CDC5L: variants seen among roughly 807,000 people sequenced by gnomAD.
The protein encoded by CDC5L is cell division cycle 5 like, also known as cell division cycle 5-like protein.
Under a neutral mutation model 104.1 loss-of-function variants are expected in CDC5L, and 18 were observed. The ratio of observed to expected loss-of-function variants is 0.17; its 90% CI spans 0.12 to 0.26. The LOEUF (loss-of-function observed/expected upper bound fraction) is 0.26, where lower values mean the gene tolerates loss of function less well. CDC5L is among the 10% of genes least tolerant of loss of function. The pLI is 1.00. For synonymous variants in CDC5L, 331 were observed against 322.7 expected (o/e 1.03, Z -0.28); for missense variants, 673 against 956.9 (o/e 0.70, Z 3.91).
intron 8 of CDC5L, among the ~76,000 whole-genome samples, chr6:44,409,024 C>T (rs1330154689): frequency 6.6e-6 from 1 of 152,194 alleles, no homozygotes; most frequent in Non-Finnish European, 1.5e-5. Context: ...CTCTCTAACA[C>T]GTGGGGTAGA....
chr6:44,429,343 G>C (rs1312198658), intron 13 of CDC5L, among the ~76,000 whole-genome samples: 1 of 151,990 alleles, frequency 6.6e-6, no homozygotes, highest in Non-Finnish European at 1.5e-5. Context: ...TTTTAAATGA[G>C]GTTAATATTG....
chr6:44,446,665 A>T lies in CDC5L; in HGVS notation c.2363A>T (p.Tyr788Phe). ...QEREKELQHR[Y>F]ADLLLEKETL... ...AGAGAAAAGGAACTTCAACATAGAT[A>T]TGCTGATTTGCTGCTGGAGAAAGAG... The change falls in exon 16 of 16, where the codon TAT becomes TTT. Residue 788 changes from tyrosine to phenylalanine, a missense_variant. Physicochemically the swap from Tyr to Phe is conservative, Grantham distance 22. This residue lies in a region of CDC5L where 578 missense variants were observed against 737.0 expected (regional missense o/e 0.78). Transcript: ENST00000371477. 6.3e-7 allele frequency: 1 copy of T among 1,598,520 alleles called. No individual in the cohort carries two copies. Among genetic ancestry groups the T allele is most frequent in the Non-Finnish European group, 8.5e-7 (1 of 1,172,618 alleles).
chr6:44,409,771 C>G (rs1791545060), intron 8 of CDC5L, among the ~76,000 whole-genome samples: 1 of 152,122 alleles, frequency 6.6e-6, no homozygotes, highest in Admixed American at 6.5e-5. Flanking sequence ...TTGTTTATAG[C>G]TTGTTCTTTT....
intron 5 of CDC5L, 84 bp downstream of exon 5, chr6:44,396,524 GTTTT>G (rs75189350): frequency 4.3e-5 from 25 of 583,554 alleles, no homozygotes; most frequent in Non-Finnish European, 4.9e-5. Context: ...CAGATATGTG[GTTTT>G]TTTTTTTTTT....
Position 44,426,590 on chromosome 6 carries a change from C to T in CDC5L, c.1759C>T (p.Leu587Phe). ...AATGATCACAATGCTTCATTATGAC[C>T]TTCTACATCACCCTTATGAACCATC... is the stretch of plus-strand genomic sequence containing the variant. ...KEMITMLHYD[L>F]LHHPYEPSGN... Residue 587 changes from leucine (L) to phenylalanine (F), a missense_variant, in exon 13 of 16, where the codon CTT (leucine) becomes TTT (phenylalanine). By Grantham distance (22) the Leu-to-Phe change is conservative (BLOSUM62 0). This residue lies in a region of CDC5L where 578 missense variants were observed against 737.0 expected (regional missense o/e 0.78). Transcript: ENST00000371477. 6.2e-7 allele frequency: 1 copy of T among 1,613,390 alleles called. No homozygotes were observed. The highest frequency in any genetic ancestry group is 8.5e-7 in the Non-Finnish European group (1 of 1,179,662).
intron 14 of CDC5L, among the ~76,000 whole-genome samples, chr6:44,439,822 A>G (rs377689472): frequency 4.8e-4 from 73 of 152,334 alleles, no homozygotes; most frequent in African/African-American, 1.5e-3. Context: ...ACTTGTAGCA[A>G]TGACTGCCAT....
At position 44,440,154 on chromosome 6, in the gene CDC5L, A is replaced by G. The variant is rs576944244; in HGVS notation, c.2092-5501A>G. Among the ~76,000 whole-genome samples, 81 of 152,306 alleles carry G rather than the reference A, an allele frequency of 5.3e-4. 3 individuals carry two copies. The highest frequency in any genetic ancestry group is 5.2e-3 in the Admixed American group (79 of 15,296). On this transcript the variant is annotated intron_variant, in intron 14 of 15. Transcript: ENST00000371477. ...GGTTTTAAAGGAGCTTCTTCATTTA[A>G]ATTAATTTTAGATCCATCTCATGTT... is the stretch of plus-strand genomic sequence containing the variant.
At chr6:44,391,569 G>A (rs1358044654) in intron 2 of CDC5L, among the ~76,000 whole-genome samples, 6 of 152,110 alleles carry the variant, frequency 3.9e-5, no homozygotes, top group Non-Finnish European at 8.8e-5. Flanking sequence ...TTAAATCATA[G>A]GGTAGTGGAC....
intron 5 of CDC5L, among the ~76,000 whole-genome samples, chr6:44,398,171 A>G (rs937218254): frequency 2.0e-5 from 3 of 152,206 alleles, no homozygotes; most frequent in Non-Finnish European, 4.4e-5. Context: ...TGGGGGTATT[A>G]GCTGCCGGGG....
At position 44,438,665 on chromosome 6, in the gene CDC5L, CTTTTTTTTTT is replaced by C. The variant is rs749816182; in HGVS notation, c.2092-6977_2092-6968del. On this transcript the variant is annotated intron_variant, in intron 14 of 15. Transcript: ENST00000371477. ...AAAATTTATGTGGTGGAAGTTTTGT[CTTTTTTTTTT>C]TTTTTTTTTTTTAAACTCTAACTCC... 5.0e-3 allele frequency among the ~76,000 whole-genome samples: 531 copies of C among 106,254 alleles called. 6 individuals carry two copies. Among genetic ancestry groups the C allele is most frequent in the African/African-American group, 0.017 (514 of 29,864 alleles). The allele number at this position is 106,254 out of a possible 152,430, so 69.7% of individuals were successfully genotyped here. A position where few individuals can be genotyped will look rare whatever the true frequency, so the allele number is the denominator to read the frequency against.
At chr6:44,438,881 A>C (rs957498355) in intron 14 of CDC5L, among the ~76,000 whole-genome samples, 1 of 152,054 alleles carries the variant, frequency 6.6e-6, no homozygotes, top group Non-Finnish European at 1.5e-5. Flanking sequence ...TATAAATTAC[A>C]TACCATAAAG....
intron 4 of CDC5L, among the ~76,000 whole-genome samples, chr6:44,393,902 G>T (rs544311793): frequency 6.6e-6 from 1 of 152,288 alleles, no homozygotes; most frequent in African/African-American, 2.4e-5. Context: ...CTGGGCTTAA[G>T]CTATCCTCCC....
chr6:44,434,003 G>C (rs566343859), intron 14 of CDC5L, among the ~76,000 whole-genome samples: 10 of 152,242 alleles, frequency 6.6e-5, no homozygotes, highest in African/African-American at 1.9e-4. Context: ...AGAGGTGGGG[G>C]AAGTGACTTG....
At chr6:44,395,592 T>C (rs185782435) in intron 4 of CDC5L, among the ~76,000 whole-genome samples, 7 of 152,314 alleles carry the variant, frequency 4.6e-5, no homozygotes, top group Admixed American at 4.6e-4. Flanking sequence ...AACATAGTGG[T>C]TCCCAAAGGC....
chr6:44,422,149 A>C (rs1407759093), intron 9 of CDC5L, among the ~76,000 whole-genome samples: 13 of 152,224 alleles, frequency 8.5e-5, no homozygotes, highest in Admixed American at 7.9e-4. Context: ...TGATTTCAAA[A>C]GTGTGGTGTT....
In CDC5L at chr6:44,426,350, G is replaced by T. The variant is rs758206108; in HGVS notation, c.1651-132G>T. 2.1e-5 allele frequency: 16 copies of T among 771,724 alleles called. No individual in the cohort carries two copies. In the South Asian group the frequency reaches 2.7e-4, roughly 13 times the overall value. The allele number at this position is 771,724 out of a possible 1,614,324, so 47.8% of individuals were successfully genotyped here. A position where few individuals can be genotyped will look rare whatever the true frequency, so the allele number is the denominator to read the frequency against. On this transcript the variant is annotated intron_variant, in intron 12 of 15. Transcript: ENST00000371477. ...TAAAATGTTTCAGTAGTACCAGAAA[G>T]AATTTAGAAGGAAAAAAATGGAAAT...
chr6:44,408,901 G>A (rs1480134216), intron 8 of CDC5L, among the ~76,000 whole-genome samples: 7 of 152,056 alleles, frequency 4.6e-5, no homozygotes, highest in African/African-American at 2.4e-5. Flanking sequence ...TGTCAGTAAA[G>A]CATAGTTTTG....
intron 14 of CDC5L, among the ~76,000 whole-genome samples, chr6:44,437,769 G>C (rs1161286922): frequency 6.6e-6 from 1 of 152,276 alleles, no homozygotes; most frequent in East Asian, 1.9e-4. Flanking sequence ...ACTGGAAATG[G>C]ACTATCCATG....
At chr6:44,424,764 A>C (rs978992298) in intron 11 of CDC5L, among the ~76,000 whole-genome samples, 181 bp downstream of exon 11, 4 of 152,216 alleles carry the variant, frequency 2.6e-5, no homozygotes, top group African/African-American at 9.6e-5. Flanking sequence ...ACATACTCAC[A>C]ATATTTTGAT....
Sources: gnomAD v4.1 joint callset for allele counts (sites outside exome capture counted in the v4.1 genomes callset) on GRCh38, gnomAD v4.1.1 for gene constraint, gnomAD v4.1.1 regional missense constraint, MANE v1.5 for transcripts, NCBI Gene and HGNC (gene_info 2026-07-23, HGNC 2026-07-21) for gene names.